The following HTT variants were observed in gnomAD, a reference collection of about 807,000 sequenced individuals.
HTT encodes the protein huntington disease protein.
Under a neutral mutation model 362.3 loss-of-function variants are expected in HTT, and 104 were observed. The ratio of observed to expected loss-of-function variants is 0.29; its 90% CI spans 0.24 to 0.34. HTT has a LOEUF of 0.34. Ranked by LOEUF, HTT falls within the 10% of genes least tolerant of loss-of-function variation. The pLI, the probability that HTT is intolerant of heterozygous loss-of-function variation, is 1.00. For synonymous variants in HTT, 1,577 were observed against 1,548.7 expected (o/e 1.02, Z -0.43); for missense variants, 3,301 against 3,928.6 (o/e 0.84, Z 4.27).
intron 34 of HTT, 121 bp from the exon 35 acceptor site, chr4:3,178,176 GA>G: frequency 1.3e-6 from 1 of 748,220 alleles, no homozygotes; most frequent in South Asian, 1.7e-5. Flanking sequence ...GTAGATCACG[GA>G]CACCTGTTAG....
intron 29 of HTT, among the ~76,000 whole-genome samples, chr4:3,169,080 A>G (rs1353351062): frequency 6.8e-6 from 1 of 147,334 alleles, no homozygotes; most frequent in Non-Finnish European, 1.5e-5. Flanking sequence ...GTGCAGTGAC[A>G]CTATCTTGGC....
intron 4 of HTT, among the ~76,000 whole-genome samples, chr4:3,105,083 T>TC (rs1714358208): frequency 2.0e-5 from 3 of 152,308 alleles, no homozygotes; most frequent in Admixed American, 2.0e-4. Context: ...TTCACAATGT[T>TC]AGAAGGAAAT....
intron 2 of HTT, among the ~76,000 whole-genome samples, chr4:3,087,960 C>G (rs1335508151): frequency 2.6e-5 from 4 of 151,902 alleles, no homozygotes; most frequent in South Asian, 2.1e-4. Context: ...AAGTGATTCT[C>G]CTGCCTCAGC....
At chr4:3,230,551 G>A (rs761321787) in intron 60 of HTT, among the ~76,000 whole-genome samples, 2 of 152,186 alleles carry the variant, frequency 1.3e-5, no homozygotes, top group African/African-American at 2.4e-5. Context: ...TTTTAGCGTG[G>A]TGGTTGTCTT....
intron 2 of HTT, among the ~76,000 whole-genome samples, chr4:3,097,799 T>C (rs1201339645): frequency 6.6e-6 from 1 of 152,244 alleles, no homozygotes; most frequent in African/African-American, 2.4e-5. Context: ...ATATCTATTT[T>C]ATTGAATTTA....
Position 3,235,651 on chromosome 4 carries a change from G to C in HTT, c.8658G>C (p.Leu2886=), listed in dbSNP as rs1198074986. 3 of 1,613,804 alleles carry C rather than the reference G, an allele frequency of 1.9e-6. No individual in the cohort carries two copies. In the East Asian group the frequency reaches 6.7e-5, roughly 36 times the overall value. The change falls in exon 63 of 67, where the codon CTG becomes CTC. Residue 2886 remains leucine (L), a synonymous_variant. Transcript: ENST00000355072. ...CCCTCAGAGGCCTGGAGCGCCTCCTGCTCTCTGAGCAGCTCTCCCGCCTGG... is the reference window on the plus strand; with the variant it reads ...CCCTCAGAGGCCTGGAGCGCCTCCTCCTCTCTGAGCAGCTCTCCCGCCTGG... ...HCALRGLERL[L]LSEQLSRLDA... is the part of the protein sequence containing the mutation.
chr4:3,119,093 C>T (rs533045203), intron 8 of HTT, among the ~76,000 whole-genome samples: 2 of 152,194 alleles, frequency 1.3e-5, no homozygotes, highest in Non-Finnish European at 2.9e-5. Context: ...TAGAGGAAGC[C>T]CTGAAATCCA....
At chr4:3,125,133 G>A (rs2110181573) in intron 10 of HTT, among the ~76,000 whole-genome samples, 1 of 152,198 alleles carries the variant, frequency 6.6e-6, no homozygotes, top group Non-Finnish European at 1.5e-5. Context: ...AGGTATTAGA[G>A]TTTTATTATA....
intron 29 of HTT, among the ~76,000 whole-genome samples, chr4:3,164,938 CTA>C (rs1208667719): frequency 6.6e-6 from 1 of 152,056 alleles, no homozygotes; most frequent in African/African-American, 2.4e-5. Context: ...GTTAATATTG[CTA>C]TGTGTGAATT....
chr4:3,143,908 T>G lies in HTT; in HGVS notation c.3066+1022T>G, dbSNP rs558730249. Among the ~76,000 whole-genome samples, 18 of 152,274 alleles carry G rather than the reference T, an allele frequency of 1.2e-4. No homozygotes were observed. In the South Asian group the frequency reaches 3.7e-3, roughly 32 times the overall value. ...GTGAGCCACCATGCCTGGCCTTACA[T>G]TTTTATAATAAGAATTTATGTTGCT... On this transcript the variant is annotated intron_variant, in intron 23 of 66. Coordinates refer to ENST00000355072, the MANE Select transcript of HTT (RefSeq NM_001388492.1).
At chr4:3,151,569 A>G (rs1338576831) in intron 26 of HTT, among the ~76,000 whole-genome samples, 3 of 152,166 alleles carry the variant, frequency 2.0e-5, no homozygotes, top group Non-Finnish European at 4.4e-5. Context: ...TTGGGTGGGG[A>G]CACAGAGCCA....
In HTT at chr4:3,242,243, A is replaced by G. The variant is rs537803049; in HGVS notation, c.*2184A>G. On this transcript the variant is annotated 3_prime_UTR_variant, in exon 67 of 67. Coordinates refer to ENST00000355072, the MANE Select transcript of HTT (RefSeq NM_001388492.1). ...AGAGTTTGTCTTCCTCTTGTTTACG[A>G]CGTGATCTAAACCAGTCCTTAGCAA... is the stretch of plus-strand genomic sequence containing the variant. 6.6e-6 allele frequency: 1 copy of G among 152,204 alleles called. No individual in the cohort carries two copies. Among genetic ancestry groups the G allele is most frequent in the Admixed American group, 6.5e-5 (1 of 15,282 alleles). 9.4% of individuals were successfully genotyped at this position (152,204 alleles called of 1,614,324 possible). A position where few individuals can be genotyped will look rare whatever the true frequency, so the allele number is the denominator to read the frequency against.
rs1230499231 is a variant in HTT at position 3,136,362 on chromosome 4, G to T, written c.2798+36G>T. 3 of 1,135,662 alleles carry T rather than the reference G, an allele frequency of 2.6e-6. No homozygotes were observed. The Admixed American group carries it at 5.4e-5, about 20-fold the overall frequency. The allele number at this position is 1,135,662 out of a possible 1,614,324, so 70.3% of individuals were successfully genotyped here. The stretch of plus-strand genomic sequence containing the variant: ...ATATTTTATCTCTTTTCCTTTTTTG[G>T]TTGAAGTACTAAAAGATACGAGAAT... On this transcript the variant is annotated intron_variant, in intron 21 of 66. Coordinates refer to ENST00000355072, the MANE Select transcript of HTT (RefSeq NM_001388492.1).
intron 7 of HTT, 107 bp from the exon 8 acceptor site, chr4:3,115,978 G>T: frequency 9.7e-7 from 1 of 1,027,312 alleles, no homozygotes; most frequent in Non-Finnish European, 1.5e-6. Context: ...TCATGATCAT[G>T]TTTGTGCCAT....
At chr4:3,106,865 T>C (rs559257112) in intron 5 of HTT, among the ~76,000 whole-genome samples, 1 of 152,360 alleles carries the variant, frequency 6.6e-6, no homozygotes, top group South Asian at 2.1e-4. Flanking sequence ...CTGTGATCTG[T>C]GACTCACTGC....
In HTT at chr4:3,074,736, C is replaced by T. The variant is rs1426465689; in HGVS notation, c.-90C>T. ...GCTCAGGTTCTGCTTTTACCTGCGG[C>T]CCAGAGCCCCATTCATTGCCCCGGT... On this transcript the variant is annotated 5_prime_UTR_variant, in exon 1 of 67. Coordinates refer to ENST00000355072, the MANE Select transcript of HTT (RefSeq NM_001388492.1). 4 of 1,371,072 alleles carry T rather than the reference C, an allele frequency of 2.9e-6. No individual in the cohort carries two copies. Among genetic ancestry groups the T allele is most frequent in the Non-Finnish European group, 3.9e-6 (4 of 1,025,548 alleles). The allele number at this position is 1,371,072 out of a possible 1,614,324, so 84.9% of individuals were successfully genotyped here.
chr4:3,185,641 G>A (rs1251330692), intron 37 of HTT, among the ~76,000 whole-genome samples: 1 of 152,214 alleles, frequency 6.6e-6, no homozygotes, highest in East Asian at 1.9e-4. Flanking sequence ...GGCCAGGTGT[G>A]GTGGCTCATG....
Position 3,228,701 on chromosome 4 carries a change from C to A in HTT, c.7935C>A (p.Asp2645Glu), listed in dbSNP as rs375957195. The A allele has an allele frequency of 8.5e-4, 1,369 of 1,608,728 alleles. 19 individuals are homozygous for A. The South Asian group carries it at 0.014, about 17-fold the overall frequency. Residue 2645 changes from aspartate (D) to glutamate (E), a missense_variant, in exon 58 of 67, where the codon GAC (aspartate) becomes GAA (glutamate). Asp to Glu is a conservative substitution (Grantham distance 45). Transcript: ENST00000355072. This position sits in a 1 kb window ranked among gnomAD's most constrained non-coding sequence, Gnocchi z 4.3. ...EWDEEEEEEA[D>E]APAPSSPPTS... ...ACGAGGAAGAGGAGGAGGAGGCCGACGCCCCTGCACCTTCGTCACCACCCA... is the reference window on the plus strand; with the variant it reads ...ACGAGGAAGAGGAGGAGGAGGCCGAAGCCCCTGCACCTTCGTCACCACCCA...
chr4:3,146,885 T>C lies in HTT; in HGVS notation c.3232T>C (p.Trp1078Arg). The C allele has an allele frequency of 6.2e-7, 1 of 1,614,206 alleles. No individual in the cohort carries two copies. The highest frequency in any genetic ancestry group is 8.5e-7 in the Non-Finnish European group (1 of 1,180,014). ...TMILTLLSSA[W>R]FPLDLSAHQD... is the part of the protein sequence containing the mutation. ...GATTCTGACCCTGCTCTCGTCAGCTTGGTTCCCATTGGATCTCTCAGCCCA... is the reference window on the plus strand; with the variant it reads ...GATTCTGACCCTGCTCTCGTCAGCTCGGTTCCCATTGGATCTCTCAGCCCA... The change falls in exon 25 of 67, where the codon TGG (tryptophan) becomes CGG (arginine). Residue 1078 changes from tryptophan (W) to arginine (R), a missense_variant. Coordinates refer to ENST00000355072, the MANE Select transcript of HTT (RefSeq NM_001388492.1).
Sources: gnomAD v4.1 joint callset for allele counts (sites outside exome capture counted in the v4.1 genomes callset) on GRCh38, gnomAD v4.1.1 for gene constraint, Gnocchi (gnomAD v3.1) non-coding constraint, MANE v1.5 for transcripts, NCBI Gene and HGNC (gene_info 2026-07-23, HGNC 2026-07-21) for gene names.